Variants in GRIN2A observed in about 807,000 individuals in gnomAD.
GRIN2A encodes glutamate ionotropic receptor NMDA type subunit 2A, also known as glutamate receptor ionotropic, NMDA 2A.
A neutral mutation model predicts 113.4 loss-of-function variants in GRIN2A; 22 were observed. That is an observed-to-expected ratio of 0.19 (90% CI 0.14 to 0.28). GRIN2A has a LOEUF of 0.28. Among genes scored for constraint, GRIN2A ranks in the 10% least tolerant of loss-of-function variants. The pLI is 1.00. For synonymous variants in GRIN2A, 827 were observed against 738.4 expected (o/e 1.12, Z -1.94); for missense variants, 1,502 against 1,887.0 (o/e 0.80, Z 3.78).
At chr16:10,090,652 A>G (rs1282805930) in intron 2 of GRIN2A, among the ~76,000 whole-genome samples, 1 of 152,330 alleles carries the variant, frequency 6.6e-6, no homozygotes, top group East Asian at 1.9e-4. Flanking sequence ...AAAACCATTC[A>G]TTATTCTTTT....
At chr16:9,976,877 A>G (rs2045783767) in intron 2 of GRIN2A, among the ~76,000 whole-genome samples, 1 of 152,154 alleles carries the variant, frequency 6.6e-6, no homozygotes, top group Non-Finnish European at 1.5e-5. Flanking sequence ...TCTGAGAACC[A>G]AGTCGTACCA....
intron 3 of GRIN2A, among the ~76,000 whole-genome samples, chr16:9,910,932 T>C (rs1355990196): frequency 2.6e-5 from 4 of 151,948 alleles, no homozygotes; most frequent in Non-Finnish European, 5.9e-5. Flanking sequence ...CCTGCTTCCA[T>C]GGAGTAAAGA....
chr16:10,147,455 C>CAAA lies in GRIN2A; in HGVS notation c.414+32540_414+32542dup, dbSNP rs367830700. 9.5e-3 allele frequency among the ~76,000 whole-genome samples: 696 copies of CAAA among 72,894 alleles called. 15 individuals are homozygous for CAAA. The highest frequency in any genetic ancestry group is 0.013 in the Non-Finnish European group (563 of 42,664). The allele number at this position is 72,894 out of a possible 152,430, so 47.8% of individuals were successfully genotyped here. A position where few individuals can be genotyped will look rare whatever the true frequency, so the allele number is the denominator to read the frequency against. ...TGAAACACCGTCTCTACTAAAAATA[C>CAAA]AAAAAAAAAAAAAAAAAAAAAAAAT... On this transcript the variant is annotated intron_variant, in intron 2 of 12. Transcript: ENST00000330684.
intron 2 of GRIN2A, among the ~76,000 whole-genome samples, chr16:10,130,271 C>G (rs573248814): frequency 6.6e-6 from 1 of 152,272 alleles, no homozygotes; most frequent in South Asian, 2.1e-4. Flanking sequence ...TTCAGGGAAA[C>G]ATTGAGGGGA....
At chr16:10,056,964 T>TCCAACCCCCAG (rs1196924165) in intron 2 of GRIN2A, among the ~76,000 whole-genome samples, 3 of 151,978 alleles carry the variant, frequency 2.0e-5, no homozygotes, top group African/African-American at 7.3e-5. Context: ...ACTCCATCTC[T>TCCAACCCCCAG]CCAACCCCCA....
chr16:9,948,337 T>A (rs1364259255), intron 2 of GRIN2A, among the ~76,000 whole-genome samples: 1 of 152,180 alleles, frequency 6.6e-6, no homozygotes, highest in East Asian at 1.9e-4. Flanking sequence ...TTGGATCTTG[T>A]TAAAACACAG....
At chr16:10,136,426 A>T (rs960231730) in intron 2 of GRIN2A, among the ~76,000 whole-genome samples, 13 of 152,204 alleles carry the variant, frequency 8.5e-5, no homozygotes, top group Admixed American at 7.8e-4. Flanking sequence ...CTTCCAAGAA[A>T]ATCAAACTGT....
chr16:10,120,581 T>A (rs1275960235), intron 2 of GRIN2A, among the ~76,000 whole-genome samples: 2 of 151,008 alleles, frequency 1.3e-5, no homozygotes, highest in East Asian at 3.9e-4. Context: ...TTCTTTTCAT[T>A]AAGGGAAAAA....
intron 2 of GRIN2A, among the ~76,000 whole-genome samples, chr16:10,051,268 A>G (rs2141984920): frequency 6.6e-6 from 1 of 152,274 alleles, no homozygotes; most frequent in Non-Finnish European, 1.5e-5. Flanking sequence ...TTTCCTCTCC[A>G]TGGAATTCTA....
chr16:9,944,245 A>C (rs985802207), intron 2 of GRIN2A, among the ~76,000 whole-genome samples: 1 of 152,186 alleles, frequency 6.6e-6, no homozygotes. Flanking sequence ...TGTTACTCTC[A>C]TAGTGTATCA....
intron 10 of GRIN2A, among the ~76,000 whole-genome samples, chr16:9,820,848 T>C (rs2042268744): frequency 6.6e-6 from 1 of 152,220 alleles, no homozygotes; most frequent in Non-Finnish European, 1.5e-5. Flanking sequence ...ATTTTTGTTA[T>C]ACTTCAAAAG....
At chr16:9,985,765 G>A (rs982305754) in intron 2 of GRIN2A, among the ~76,000 whole-genome samples, 6 of 151,964 alleles carry the variant, frequency 3.9e-5, no homozygotes, top group African/African-American at 9.7e-5. Flanking sequence ...GTTAGATAGA[G>A]TAAGATCTAA....
At chr16:9,868,261 C>T (rs113917516) in intron 4 of GRIN2A, among the ~76,000 whole-genome samples, 3,446 of 152,080 alleles carry the variant, frequency 0.023, 122 homozygotes, top group African/African-American at 0.074. Context: ...GCAGCCCAAA[C>T]CATCACTTTA....
At chr16:9,772,341 G>C (rs541163118) in intron 11 of GRIN2A, among the ~76,000 whole-genome samples, 19 of 152,252 alleles carry the variant, frequency 1.2e-4, no homozygotes, top group Non-Finnish European at 2.5e-4. Flanking sequence ...AATACAATGT[G>C]CTGTTGACGT....
chr16:10,099,483 C>CCA (rs767280379), intron 2 of GRIN2A, among the ~76,000 whole-genome samples: 21 of 151,984 alleles, frequency 1.4e-4, no homozygotes, highest in Non-Finnish European at 2.5e-4. Context: ...TCCCTTGCAC[C>CCA]CCCTTCCTCA....
rs2049884919 is a variant in GRIN2A, at chr16:10,165,118, ACAAGGTATTGGTTTTCATGG to A, written c.414+14860_414+14879del. 8.5e-5 allele frequency among the ~76,000 whole-genome samples: 13 copies of A among 152,338 alleles called. No homozygotes were observed. The South Asian group carries it at 2.7e-3, about 32-fold the overall frequency. ...AGACATTTCATTACAAAGATGTTAA[ACAAGGTATTGGTTTTCATGG>A]CAAAAAATTGGGGAAAATCTAAATT... On this transcript the variant is annotated intron_variant, in intron 2 of 12. Coordinates refer to ENST00000330684, the MANE Select transcript of GRIN2A (RefSeq NM_001134407.3).
intron 4 of GRIN2A, among the ~76,000 whole-genome samples, chr16:9,875,587 G>T (rs2043348381): frequency 6.6e-6 from 1 of 152,168 alleles, no homozygotes; most frequent in African/African-American, 2.4e-5. Flanking sequence ...AGGCAAATGG[G>T]GAAATAATAG....
intron 11 of GRIN2A, among the ~76,000 whole-genome samples, chr16:9,775,846 A>C (rs1218696613): frequency 6.6e-6 from 1 of 152,122 alleles, no homozygotes; most frequent in African/African-American, 2.4e-5. Context: ...CCTCACATAC[A>C]ATAGGAGGTA....
intron 2 of GRIN2A, among the ~76,000 whole-genome samples, chr16:10,088,074 C>T (rs1389603940): frequency 6.6e-6 from 1 of 152,090 alleles, no homozygotes; most frequent in African/African-American, 2.4e-5. Flanking sequence ...CTTTTGGAGA[C>T]ATCCCATACC....
Sources: gnomAD v4.1 joint callset for allele counts (sites outside exome capture counted in the v4.1 genomes callset) on GRCh38, gnomAD v4.1.1 for gene constraint, MANE v1.5 for transcripts, NCBI Gene and HGNC (gene_info 2026-07-23, HGNC 2026-07-21) for gene names.